The following TPO variants were observed in gnomAD, a reference collection of about 807,000 sequenced individuals.
TPO encodes thyroid peroxidase.
In TPO, 78 loss-of-function variants were observed where a neutral mutation model predicts 96.9. The observed-to-expected ratio is 0.81, with a 90% confidence interval of 0.67 to 0.97. TPO has a LOEUF of 0.97. TPO is among the 50% of genes least tolerant of loss of function. TPO has a pLI of 0.00. For synonymous variants in TPO, 547 were observed against 538.0 expected, an observed-to-expected ratio of 1.02 and a Z score of -0.23; for missense variants, 1,252 against 1,274.8, an observed-to-expected ratio of 0.98 and a Z score of 0.27.
chr2:1,415,681 G>A lies in TPO; in HGVS notation c.94+1179G>A, dbSNP rs73908703. ...TGACACCTTGCCGGGCAGGTCCCTGGGTCTCTGGACACAGTCTTGGGGCCA... is the reference window on the plus strand; with the variant it reads ...TGACACCTTGCCGGGCAGGTCCCTGAGTCTCTGGACACAGTCTTGGGGCCA... On this transcript the variant is annotated intron_variant, in intron 2 of 16. Coordinates refer to ENST00000329066, the MANE Select transcript of TPO (RefSeq NM_001206744.2). Among the ~76,000 whole-genome samples, 320 of 152,222 alleles carry A rather than the reference G, an allele frequency of 2.1e-3. 1 individual carries two copies. The highest frequency in any genetic ancestry group is 7.4e-3 in the African/African-American group (306 of 41,512).
At chr2:1,375,648 G>A (rs1661711144) in intron 1 of TPO, among the ~76,000 whole-genome samples, 1 of 152,156 alleles carries the variant, frequency 6.6e-6, no homozygotes, top group Admixed American at 6.5e-5. Context: ...AGGCAGTTTT[G>A]TGTGACGCGG....
At chr2:1,535,265 A>C (rs1679340696) in intron 15 of TPO, among the ~76,000 whole-genome samples, 2 of 135,176 alleles carry the variant, frequency 1.5e-5, no homozygotes, top group African/African-American at 2.9e-5. Flanking sequence ...CAACCTCCCA[A>C]AATCCCCCAT....
chr2:1,455,417 A>G (rs766451565), intron 6 of TPO, among the ~76,000 whole-genome samples: 1 of 152,090 alleles, frequency 6.6e-6, no homozygotes, highest in Non-Finnish European at 1.5e-5. Flanking sequence ...TAGGCCCAAA[A>G]TCCAATCCAA....
chr2:1,501,089 G>T (rs1672830116), intron 13 of TPO, among the ~76,000 whole-genome samples: 1 of 152,064 alleles, frequency 6.6e-6, no homozygotes, highest in Admixed American at 6.5e-5. Context: ...ATGAGTTATT[G>T]TCAGGAGGTT....
intron 7 of TPO, among the ~76,000 whole-genome samples, chr2:1,461,737 C>T (rs371124438): frequency 6.6e-5 from 10 of 152,166 alleles, no homozygotes; most frequent in African/African-American, 2.4e-4. Flanking sequence ...CGCACCTATA[C>T]ATGCTCATGA....
At chr2:1,520,250 A>G (rs1477466494) in intron 15 of TPO, among the ~76,000 whole-genome samples, 1 of 152,186 alleles carries the variant, frequency 6.6e-6, no homozygotes. Flanking sequence ...GCTCCCAGCA[A>G]ATGGGCTCAA....
intron 2 of TPO, among the ~76,000 whole-genome samples, chr2:1,422,387 C>CCTCTCCTGGACAGACCT (rs1573110939): frequency 1.4e-4 from 21 of 150,298 alleles, no homozygotes; most frequent in East Asian, 7.9e-4. Flanking sequence ...CGTGCAGGCG[C>CCTCTCCTGGACAGACCT]CGCGCTGGGC....
At chr2:1,457,796 T>C (rs534060015) in intron 7 of TPO, among the ~76,000 whole-genome samples, 12 of 152,156 alleles carry the variant, frequency 7.9e-5, no homozygotes, top group Non-Finnish European at 1.5e-4. Flanking sequence ...CTCGTGTGTA[T>C]ATAGCATGTA....
intron 1 of TPO, among the ~76,000 whole-genome samples, chr2:1,397,631 CCTGTGGAGGCAGAG>C (rs1275176304): frequency 6.6e-6 from 1 of 152,300 alleles, no homozygotes; most frequent in East Asian, 1.9e-4. Context: ...TGGAGTGTGG[CCTGTGGAGGCAGAG>C]CTGGGAGGCC....
At chr2:1,488,058 CT>C in intron 10 of TPO, 67 bp downstream of exon 10, 1 of 1,599,946 alleles carries the variant, frequency 6.3e-7, no homozygotes, top group South Asian at 1.1e-5. Context: ...TAGCAACCTG[CT>C]GCTAGAGAGA....
intron 1 of TPO, among the ~76,000 whole-genome samples, chr2:1,401,600 C>G (rs1377645389): frequency 6.6e-6 from 1 of 152,100 alleles, no homozygotes; most frequent in Non-Finnish European, 1.5e-5. Flanking sequence ...CAGGACCAGA[C>G]AAGCAGAGCC....
intron 15 of TPO, among the ~76,000 whole-genome samples, chr2:1,540,369 G>GCTGCAAATTCTAAAATCATTTTTC (rs1553343099): frequency 2.6e-5 from 4 of 152,152 alleles, no homozygotes; most frequent in African/African-American, 9.7e-5. Flanking sequence ...GGTCCTCTTG[G>GCTGCAAATTCTAAAATCATTTTTC]CTGCAAATTC....
At chr2:1,384,494 A>G (rs1415169453) in intron 1 of TPO, among the ~76,000 whole-genome samples, 3 of 152,186 alleles carry the variant, frequency 2.0e-5, no homozygotes, top group Admixed American at 1.3e-4. Context: ...GAGTTCACTC[A>G]TGATTTGGCT....
At chr2:1,400,263 C>T (rs1662146604) in intron 1 of TPO, among the ~76,000 whole-genome samples, 1 of 152,150 alleles carries the variant, frequency 6.6e-6, no homozygotes. Flanking sequence ...GAGGCCGAAG[C>T]AGGTGGATCA....
chr2:1,466,507 A>C (rs1668912479), intron 7 of TPO, among the ~76,000 whole-genome samples: 1 of 152,082 alleles, frequency 6.6e-6, no homozygotes, highest in Non-Finnish European at 1.5e-5. Context: ...TCTTCTGTGA[A>C]TCTGTCTGGT....
At chr2:1,415,227 G>A (rs1662792685) in intron 2 of TPO, among the ~76,000 whole-genome samples, 1 of 146,628 alleles carries the variant, frequency 6.8e-6, no homozygotes, top group African/African-American at 2.5e-5. Flanking sequence ...CCCTGGAGCA[G>A]GTGACACCTC....
At chr2:1,532,484 CAG>C (rs1678529289) in intron 15 of TPO, among the ~76,000 whole-genome samples, 1 of 127,886 alleles carries the variant, frequency 7.8e-6, no homozygotes, top group African/African-American at 3.1e-5. Flanking sequence ...ATCCCCCCCA[CAG>C]TGCAAAACCT....
rs1480411869 is a variant in TPO, at chr2:1,537,470, T to TCAAATCCCAATGTGTGCCACCTCCC, written c.2619-3119_2619-3118insCCCAATGTGTGCCACCTCCCCAAAT. Reference sequence around the variant, plus strand: ...AATCTCCCCACTGTGTGCAACCTCCTCAAATTCTTCCACTCTGTGCAGCCT... The same window carrying TCAAATCCCAATGTGTGCCACCTCCC: ...AATCTCCCCACTGTGTGCAACCTCCTCAAATCCCAATGTGTGCCACCTCCCCAAATTCTTCCACTCTGTGCAGCCT... On this transcript the variant is annotated intron_variant, in intron 15 of 16. Coordinates refer to ENST00000329066, the MANE Select transcript of TPO (RefSeq NM_001206744.2). Among the ~76,000 whole-genome samples the TCAAATCCCAATGTGTGCCACCTCCC allele has an allele frequency of 2.8e-4, 13 of 46,436 alleles. 1 individual carries two copies. Among genetic ancestry groups the TCAAATCCCAATGTGTGCCACCTCCC allele is most frequent in the African/African-American group, 6.9e-4 (6 of 8,728 alleles). 30.5% of individuals were successfully genotyped at this position (46,436 alleles called of 152,430 possible).
intron 8 of TPO, among the ~76,000 whole-genome samples, chr2:1,478,700 C>G (rs1670231726): frequency 6.6e-6 from 1 of 152,246 alleles, no homozygotes; most frequent in Admixed American, 6.5e-5. Context: ...GGCTCACTGT[C>G]CTAACACGCA....
Sources: allele counts gnomAD v4.1 joint callset (sites outside exome capture counted in the v4.1 genomes callset), GRCh38; gene constraint gnomAD v4.1.1; transcripts MANE v1.5; gene names NCBI Gene and HGNC (gene_info 2026-07-23, HGNC 2026-07-21).